AGBL1: variants seen among roughly 807,000 people sequenced by gnomAD.
The protein encoded by AGBL1 is AGBL carboxypeptidase 1.
In AGBL1, 130 loss-of-function variants were observed where a neutral mutation model predicts 118.9. The ratio of observed to expected loss-of-function variants is 1.09; its 90% confidence interval spans 0.95 to 1.26. AGBL1 has a LOEUF of 1.26. Ranked by LOEUF, AGBL1 falls within the 50% of genes most tolerant of loss-of-function variation. The probability of loss-of-function intolerance (pLI) is 0.00; values close to 1 mark genes in which losing one functional copy is unlikely to be tolerated. For synonymous variants in AGBL1, 555 were observed against 478.9 expected (o/e 1.16, Z -2.08); for missense variants, 1,584 against 1,298.1 (o/e 1.22, Z -3.38).
At chr15:86,282,827 T>C (rs989919563) in intron 16 of AGBL1, among the ~76,000 whole-genome samples, 4 of 152,222 alleles carry the variant, frequency 2.6e-5, no homozygotes, top group African/African-American at 4.8e-5. Context: ...AGAAAATACG[T>C]TTCCATGTGG....
In AGBL1 at chr15:86,264,891, A is replaced by G. The variant is rs193086772; in HGVS notation, c.1667+53A>G. The G allele has an allele frequency of 5.6e-6, 8 of 1,431,466 alleles. No homozygotes were observed. The East Asian group carries it at 1.4e-4, about 25-fold the overall frequency. 88.7% of individuals were successfully genotyped at this position (1,431,466 alleles called of 1,614,324 possible). A position where few individuals can be genotyped will look rare whatever the true frequency, so the allele number is the denominator to read the frequency against. On this transcript the variant is annotated intron_variant, in intron 11 of 22. Coordinates refer to ENST00000614907, the MANE Select transcript of AGBL1 (RefSeq NM_001386094.1). ...TTTTTTTCTGTTCTTTGATAATTTT[A>G]TAAGTAAAATGGTTTGTACAGATAA...
intron 21 of AGBL1, among the ~76,000 whole-genome samples, chr15:86,639,435 A>G (rs2085155473): frequency 6.6e-6 from 1 of 152,224 alleles, no homozygotes; most frequent in Non-Finnish European, 1.5e-5. Context: ...TGTGGTGGCC[A>G]AAGAAAGAGT....
At chr15:86,711,414 T>C (rs1419330086) in intron 22 of AGBL1, among the ~76,000 whole-genome samples, 2 of 152,200 alleles carry the variant, frequency 1.3e-5, no homozygotes, top group African/African-American at 2.4e-5. Flanking sequence ...CTGACATCTG[T>C]TCTAATTCTC....
At chr15:86,707,404 G>A (rs1216670386) in intron 22 of AGBL1, among the ~76,000 whole-genome samples, 4 of 135,096 alleles carry the variant, frequency 3.0e-5, no homozygotes, top group African/African-American at 8.1e-5. Context: ...GAAAGAATAT[G>A]TTTTCATGAA....
intron 21 of AGBL1, among the ~76,000 whole-genome samples, chr15:86,671,731 C>A (rs1416539427): frequency 6.6e-6 from 1 of 152,140 alleles, no homozygotes; most frequent in African/African-American, 2.4e-5. Flanking sequence ...CATACCCAAA[C>A]CCAGAGAAGT....
intron 24 of AGBL1, among the ~76,000 whole-genome samples, chr15:87,001,242 C>G (rs1296526710): frequency 1.3e-5 from 2 of 151,286 alleles, no homozygotes; most frequent in Non-Finnish European, 2.9e-5. Flanking sequence ...CCTCATTGCC[C>G]TGGCCAGAAC....
chr15:86,641,415 A>T (rs988419702), intron 21 of AGBL1, among the ~76,000 whole-genome samples: 18 of 150,982 alleles, frequency 1.2e-4, no homozygotes, highest in East Asian at 3.9e-4. Flanking sequence ...ATTTTTTTTA[A>T]AAAAAAAAGC....
chr15:86,474,063 G>GAC (rs1183661360), intron 18 of AGBL1, among the ~76,000 whole-genome samples: 2 of 152,074 alleles, frequency 1.3e-5, no homozygotes, highest in Non-Finnish European at 2.9e-5. Context: ...GGCTGATTTT[G>GAC]ACACACACAA....
intron 22 of AGBL1, among the ~76,000 whole-genome samples, chr15:86,839,928 A>T (rs1322543984): frequency 6.6e-6 from 1 of 152,194 alleles, no homozygotes; most frequent in Non-Finnish European, 1.5e-5. Flanking sequence ...TCAGACTTCT[A>T]TGAATTTTTT....
chr15:86,219,943 C>CT (rs1491233116), intron 5 of AGBL1, among the ~76,000 whole-genome samples: 2,238 of 109,260 alleles, frequency 0.02, 42 homozygotes, highest in South Asian at 0.055. Flanking sequence ...CTAATGCTGC[C>CT]TCTTTTTTTT....
At chr15:86,291,514 C>G (rs2079545057) in intron 16 of AGBL1, among the ~76,000 whole-genome samples, 1 of 152,058 alleles carries the variant, frequency 6.6e-6, no homozygotes, top group African/African-American at 2.4e-5. Context: ...AGGCTTTATC[C>G]AGAAGTAAAT....
intron 23 of AGBL1, among the ~76,000 whole-genome samples, chr15:86,968,474 G>A (rs1221515305): frequency 6.6e-6 from 1 of 151,916 alleles, no homozygotes; most frequent in Non-Finnish European, 1.5e-5. Context: ...GAAATGGCCA[G>A]GGGGATTATC....
intron 18 of AGBL1, among the ~76,000 whole-genome samples, chr15:86,467,112 G>A (rs1489052378): frequency 1.3e-5 from 2 of 152,256 alleles, no homozygotes; most frequent in Non-Finnish European, 2.9e-5. Context: ...AGGGAGGTGG[G>A]AGTTTTGTCT....
intron 22 of AGBL1, among the ~76,000 whole-genome samples, chr15:86,750,777 C>G (rs1438764662): frequency 1.3e-5 from 2 of 151,872 alleles, no homozygotes; most frequent in Non-Finnish European, 2.9e-5. Context: ...TTTTCTCGTC[C>G]TTTGCCTCTT....
chr15:86,349,929 A>G (rs2080599419), intron 17 of AGBL1, among the ~76,000 whole-genome samples: 1 of 152,216 alleles, frequency 6.6e-6, no homozygotes, highest in Admixed American at 6.5e-5. Flanking sequence ...GCAAATAGTG[A>G]ACCTAGTTTA....
At chr15:86,222,191 G>C (rs144117471) in intron 5 of AGBL1, among the ~76,000 whole-genome samples, 1 of 152,258 alleles carries the variant, frequency 6.6e-6, no homozygotes, top group African/African-American at 2.4e-5. Context: ...TGCTGCTGTA[G>C]TGATTCATAA....
intron 22 of AGBL1, among the ~76,000 whole-genome samples, chr15:86,812,031 A>C (rs920082831): frequency 6.6e-6 from 1 of 152,218 alleles, no homozygotes; most frequent in Non-Finnish European, 1.5e-5. Context: ...TAAACTTTAA[A>C]ATACTGTCAG....
chr15:86,780,001 C>T (rs1434906997), intron 22 of AGBL1, among the ~76,000 whole-genome samples: 3 of 152,040 alleles, frequency 2.0e-5, no homozygotes, highest in Admixed American at 6.6e-5. Flanking sequence ...TGTACTATAA[C>T]TTATTTTTCT....
rs192744146 is a variant in AGBL1 at position 86,985,029 on chromosome 15, T to G, written c.3222-2958T>G. The stretch of plus-strand genomic sequence containing the variant: ...GACTTCTTTTACTCAGCATAATGAT[T>G]CATTCATGGAGATCCATCTATGTGG... On this transcript the variant is annotated intron_variant, in intron 23 of 24. Transcript: ENST00000441037. 3.7e-3 allele frequency among the ~76,000 whole-genome samples: 561 copies of G among 152,334 alleles called. 9 individuals are homozygous for G. The highest frequency in any genetic ancestry group is 0.013 in the African/African-American group (527 of 41,576).
Sources: allele counts gnomAD v4.1 joint callset (sites outside exome capture counted in the v4.1 genomes callset), GRCh38; gene constraint gnomAD v4.1.1; transcripts MANE v1.5; gene names NCBI Gene and HGNC (gene_info 2026-07-23, HGNC 2026-07-21).